The following KCNQ2 variants were observed in gnomAD, a reference collection of about 807,000 sequenced individuals.
KCNQ2 encodes the protein potassium voltage-gated channel subfamily Q member 2.
KCNQ2 carries 14 observed loss-of-function variants against 84.8 expected under a neutral mutation model. The ratio of observed to expected loss-of-function variants is 0.17; its 90% CI spans 0.11 to 0.26. KCNQ2 has a LOEUF of 0.26. Among genes scored for constraint, KCNQ2 ranks in the 10% least tolerant of loss-of-function variants. The pLI is 1.00. For missense variants in KCNQ2, 788 were observed against 1,254.0 expected, an observed-to-expected ratio of 0.63 and a Z score of 5.61; for synonymous variants, 599 against 554.1, an observed-to-expected ratio of 1.08 and a Z score of -1.14.
At chr20:63,462,235 C>G (rs1398889620) in intron 1 of KCNQ2, among the ~76,000 whole-genome samples, 34 of 127,242 alleles carry the variant, frequency 2.7e-4, no homozygotes, top group Non-Finnish European at 4.1e-4. Flanking sequence ...CTACCCCAGG[C>G]AGCAGGGAGG....
At position 63,401,800 on chromosome 20, in the gene KCNQ2, G is replaced by A. The variant is rs958444733; in HGVS notation, c.*4844C>T. The A allele has an allele frequency of 1.4e-4, 29 of 200,352 alleles. No homozygotes were observed. Among genetic ancestry groups the A allele is most frequent in the African/African-American group, 6.7e-4 (28 of 41,764 alleles). The allele number at this position is 200,352 out of a possible 1,614,324, so 12.4% of individuals were successfully genotyped here. A position where few individuals can be genotyped will look rare whatever the true frequency, so the allele number is the denominator to read the frequency against. ...TGGGCACCCTCCACAGCAGGTCCAA[G>A]CCTCGTGAGCTGTCCCTCTCACACC... On this transcript the variant is annotated 3_prime_UTR_variant, in exon 17 of 17. Transcript: ENST00000359125.
Position 63,407,308 on chromosome 20 carries a change from G to A in KCNQ2, c.1955C>T (p.Pro652Leu), listed in dbSNP as rs770730662. 3.4e-5 allele frequency: 54 copies of A among 1,595,920 alleles called. No individual in the cohort carries two copies. Among genetic ancestry groups the A allele is most frequent in the East Asian group, 4.5e-5 (2 of 44,788 alleles). ...CCCAAAGTAGGCCTCGGTCTCTGTC[G>A]GGGGGATGCCCATCCGCTGCATGTA... ...NIYMQRMGIPPTETEAYFGAK... is the reference protein window; with the variant it reads ...NIYMQRMGIPLTETEAYFGAK... Residue 652 changes from proline to leucine, a missense_variant, in exon 17 of 17, where the codon CCG becomes CTG. Transcript: ENST00000359125. This position sits in a 1 kb window ranked among gnomAD's most constrained non-coding sequence, Gnocchi z 7.2.
At position 63,401,883 on chromosome 20, in the gene KCNQ2, C is replaced by T. The variant is rs116543683; in HGVS notation, c.*4761G>A. 1.3e-4 allele frequency: 24 copies of T among 179,872 alleles called. No homozygotes were observed. The highest frequency in any genetic ancestry group is 4.1e-4 in the South Asian group (5 of 12,242). 11.1% of individuals were successfully genotyped at this position (179,872 alleles called of 1,614,324 possible). A position where few individuals can be genotyped will look rare whatever the true frequency, so the allele number is the denominator to read the frequency against. On this transcript the variant is annotated 3_prime_UTR_variant, in exon 17 of 17. Transcript: ENST00000359125. ...AGCCTTGTGAACCGTCCCTCTCACACGTCTGCCGGGCACCCTCCACCAGGT... is the reference window on the plus strand; with the variant it reads ...AGCCTTGTGAACCGTCCCTCTCACATGTCTGCCGGGCACCCTCCACCAGGT...
At chr20:63,444,356 G>A (rs1278137394) in intron 4 of KCNQ2, among the ~76,000 whole-genome samples, 1 of 152,252 alleles carries the variant, frequency 6.6e-6, no homozygotes, top group African/African-American at 2.4e-5. Context: ...CCCAACCACA[G>A]AGCCAAGGGT....
At chr20:63,437,800 T>C (rs978949157) in intron 7 of KCNQ2, among the ~76,000 whole-genome samples, 2 of 152,204 alleles carry the variant, frequency 1.3e-5, no homozygotes, top group African/African-American at 4.8e-5. Context: ...GGGGTCCTGC[T>C]GTCTGTCCAT....
In KCNQ2 at chr20:63,414,196, G is replaced by C; in HGVS notation, c.1526-3C>G. ...GTCCTCTCCGGGGAGGCTTGCTTCTGGGGGGAAGGAGACAGGCCGTGAGGG... is the reference window on the plus strand; with the variant it reads ...GTCCTCTCCGGGGAGGCTTGCTTCTCGGGGGAAGGAGACAGGCCGTGAGGG... On this transcript the variant is annotated splice_polypyrimidine_tract_variant and splice_region_variant and intron_variant, in intron 13 of 16. Transcript: ENST00000359125. The surrounding 1 kb of genome is among the most constrained non-coding windows in gnomAD (Gnocchi z 6.6). 1 of 1,610,642 alleles carries C rather than the reference G, an allele frequency of 6.2e-7. No homozygotes were observed. Among genetic ancestry groups the C allele is most frequent in the Admixed American group, 1.7e-5 (1 of 60,004 alleles).
At chr20:63,452,378 T>C (rs1211474040) in intron 1 of KCNQ2, among the ~76,000 whole-genome samples, 1 of 152,218 alleles carries the variant, frequency 6.6e-6, no homozygotes, top group African/African-American at 2.4e-5. Flanking sequence ...AGGAAAATCC[T>C]TTTTCTTCCG....
At chr20:63,447,413 G>A (rs578156892) in intron 1 of KCNQ2, 28 of 154,914 alleles carry the variant, frequency 1.8e-4, no homozygotes, top group South Asian at 9.9e-4. Flanking sequence ...AGGAGGCTCC[G>A]TTTCTCCTTC....
intron 1 of KCNQ2, chr20:63,470,727 G>A (rs2082195980): frequency 6.6e-6 from 1 of 152,256 alleles, no homozygotes; most frequent in African/African-American, 2.4e-5. Flanking sequence ...GCAGGGACCT[G>A]GCTGACCAGT....
In KCNQ2 at chr20:63,433,719, A is replaced by G. The variant is rs752822441; in HGVS notation, c.1118+90T>C. Reference sequence around the variant, plus strand: ...CATTTTAAAGAAAAAAAATCAATCAAAATAATGAACAACAAAAAGTGGGGT... The same window carrying G: ...CATTTTAAAGAAAAAAAATCAATCAGAATAATGAACAACAAAAAGTGGGGT... On this transcript the variant is annotated intron_variant, in intron 8 of 16. Transcript: ENST00000359125. 3 of 1,607,760 alleles carry G rather than the reference A, an allele frequency of 1.9e-6. No homozygotes were observed. The African/African-American group carries it at 4.0e-5, about 22-fold the overall frequency.
intron 5 of KCNQ2, 127 bp from the exon 6 acceptor site, chr20:63,439,835 C>A (rs1464960322): frequency 1.3e-6 from 1 of 743,348 alleles, no homozygotes; most frequent in Non-Finnish European, 2.4e-6. Flanking sequence ...TCACCATCCA[C>A]ACGGAGGCCC....
chr20:63,441,798 T>A (rs2145731198), intron 5 of KCNQ2, among the ~76,000 whole-genome samples: 1 of 152,358 alleles, frequency 6.6e-6, no homozygotes. Context: ...ATCAGCTGCA[T>A]CCGGCTTAGG....
chr20:63,442,686 TCACCATCACCACCATCACCATCAC>T (rs2081210203), intron 4 of KCNQ2, among the ~76,000 whole-genome samples, 155 bp from the exon 5 acceptor site: 1 of 17,152 alleles, frequency 5.8e-5, no homozygotes, highest in Non-Finnish European at 1.2e-4. Context: ...ACCACCACCA[TCACCATCACCACCATCACCATCAC>T]CACCACCACC....
In KCNQ2 at chr20:63,408,642, C is replaced by A; in HGVS notation, c.1764-106G>T. ...AGTGCCCCTGGGTCTAGGCTGCAGG[C>A]TCAGCCCAGAGCCGACCAGGGGGCA... On this transcript the variant is annotated intron_variant, in intron 15 of 16. Transcript: ENST00000359125. The surrounding 1 kb of genome is among the most constrained non-coding windows in gnomAD (Gnocchi z 5.0). The A allele has an allele frequency of 6.5e-7, 1 of 1,527,638 alleles. No homozygotes were observed. Among genetic ancestry groups the A allele is most frequent in the Non-Finnish European group, 8.8e-7 (1 of 1,133,786 alleles). 94.6% of individuals were successfully genotyped at this position (1,527,638 alleles called of 1,614,324 possible). A position where few individuals can be genotyped will look rare whatever the true frequency, so the allele number is the denominator to read the frequency against.
chr20:63,410,653 C>G (rs1410529000), intron 15 of KCNQ2, among the ~76,000 whole-genome samples: 1 of 152,184 alleles, frequency 6.6e-6, no homozygotes, highest in African/African-American at 2.4e-5. Context: ...CTGCCTGCTC[C>G]CAGAAACTCC....
rs2079953374 is a variant in KCNQ2 at position 63,406,863 on chromosome 20, A to G, written c.2400T>C (p.Arg800=). Residue 800 remains arginine, a synonymous_variant, in exon 17 of 17, where the codon CGT becomes CGC. Transcript: ENST00000359125. ...IPSVDHEELE[R]SFSGFSISQS... is the part of the protein sequence containing the mutation. ...GGGAGATGCTGAAGCCGCTGAAGGA[A>G]CGCTCCAGCTCCTCGTGGTCCACGG... 6.2e-7 allele frequency: 1 copy of G among 1,612,382 alleles called. No homozygotes were observed. The highest frequency in any genetic ancestry group is 1.3e-5 in the African/African-American group (1 of 75,060).
rs79611465 is a variant in KCNQ2 at position 63,447,169 on chromosome 20, C to T, written c.297-332G>A. Among the ~76,000 whole-genome samples the T allele has an allele frequency of 1.6e-3, 250 of 152,144 alleles. 5 individuals carry two copies. In the East Asian group the frequency reaches 0.032, roughly 20 times the overall value. On this transcript the variant is annotated intron_variant, in intron 1 of 16. Transcript: ENST00000359125. ...GCCTGGCAGCCTCATCCTTTGGCAA[C>T]GTCTCCAAAACTCTCAGTCAAATGG...
chr20:63,455,847 G>A (rs1391049224), intron 1 of KCNQ2, among the ~76,000 whole-genome samples: 11 of 106,402 alleles, frequency 1.0e-4, no homozygotes, highest in African/African-American at 2.5e-4. Flanking sequence ...CCCCACCTCC[G>A]GGAGACCCCT....
At chr20:63,467,127 A>G (rs910295415) in intron 1 of KCNQ2, among the ~76,000 whole-genome samples, 6 of 151,950 alleles carry the variant, frequency 3.9e-5, no homozygotes, top group African/African-American at 1.4e-4. Flanking sequence ...CGCTGGCCCC[A>G]GCCTCCCGTC....
Sources: allele counts gnomAD v4.1 joint callset (sites outside exome capture counted in the v4.1 genomes callset), GRCh38; gene constraint gnomAD v4.1.1; non-coding constraint Gnocchi (gnomAD v3.1); transcripts MANE v1.5; gene names NCBI Gene and HGNC (gene_info 2026-07-23, HGNC 2026-07-21).